TASOR2: variants seen among roughly 807,000 people sequenced by gnomAD.
The protein encoded by TASOR2 is transcription activation suppressor family member 2.
A neutral mutation model predicts 199.5 loss-of-function variants in TASOR2; 84 were observed. That is an observed-to-expected ratio of 0.42 (90% CI 0.35 to 0.50). TASOR2 has a LOEUF of 0.50. TASOR2 is among the 20% of genes least tolerant of loss of function. The pLI is 0.02. For missense variants in TASOR2, 2,796 were observed against 2,835.9 expected (o/e 0.99, Z 0.32); for synonymous variants, 1,103 against 1,046.6 (o/e 1.05, Z -1.04).
exon 15 of TASOR2, chr10:5,747,930 T>G (rs1400148848): frequency 1.2e-6 from 2 of 1,613,674 alleles, no homozygotes; most frequent in African/African-American, 2.7e-5. Context: ...CTGAGGAAAT[T>G]GTCTCAAGTG....
chr10:5,709,579 A>G, intron 1 of TASOR2: 2 of 1,230,960 alleles, frequency 1.6e-6, no homozygotes, highest in Non-Finnish European at 1.0e-6. Context: ...TTCTGAGGGT[A>G]TACTTGGTGA....
Position 5,726,321 on chromosome 10 carries a change from G to C in TASOR2, c.352-564G>C, listed in dbSNP as rs555656676. Among the ~76,000 whole-genome samples, 7 of 152,266 alleles carry C rather than the reference G, an allele frequency of 4.6e-5. No homozygotes were observed. In the South Asian group the frequency reaches 1.5e-3, roughly 32 times the overall value. On this transcript the variant is annotated intron_variant, in intron 8 of 20. Transcript: ENST00000328090. ...CAAGAGTCCACTGAAGACTCTAATA[G>C]AGGGGAACAAAAGAGAGGAAGAATT...
Position 5,742,568 on chromosome 10 carries a change from G to T in TASOR2, c.2757+42G>T, listed in dbSNP as rs761495421. The T allele has an allele frequency of 6.5e-6, 10 of 1,539,384 alleles. No homozygotes were observed. In the African/African-American group the frequency reaches 1.4e-4, roughly 22 times the overall value. On this transcript the variant is annotated intron_variant, in intron 14 of 20. Transcript: ENST00000328090. The surrounding 1 kb of genome is among the most constrained non-coding windows in gnomAD (Gnocchi z 4.2). ...ACCGTTAAATGTTGGCATTATTTTT[G>T]AAGAAAAAAATGTTTATATGTAAAA...
intron 2 of TASOR2, 135 bp from the exon 3 acceptor site, chr10:5,714,000 A>C: frequency 2.4e-6 from 1 of 412,094 alleles, no homozygotes; most frequent in Non-Finnish European, 4.0e-6. Flanking sequence ...CAGGAATTTG[A>C]GATCAGCCTG....
intron 14 of TASOR2, among the ~76,000 whole-genome samples, chr10:5,744,810 G>A (rs1257998834): frequency 2.0e-5 from 3 of 152,112 alleles, no homozygotes; most frequent in Admixed American, 6.5e-5. Flanking sequence ...TGTATTTTTA[G>A]TAGAGACTAG....
Position 5,690,733 on chromosome 10 carries a change from A to G in TASOR2, c.-288+5558A>G, listed in dbSNP as rs1034901243. 7.9e-5 allele frequency among the ~76,000 whole-genome samples: 12 copies of G among 152,268 alleles called. No homozygotes were observed. Among genetic ancestry groups the G allele is most frequent in the African/African-American group, 2.9e-4 (12 of 41,478 alleles). ...AACAGTGTGTATCCTTGCAATAAGT[A>G]TATTAATGAATACGATACAACCATT... On this transcript the variant is annotated intron_variant, in intron 1 of 20. Coordinates refer to ENST00000328090, the Ensembl canonical transcript of TASOR2. The surrounding 1 kb of genome is among the most constrained non-coding windows in gnomAD (Gnocchi z 4.8).
At chr10:5,686,139 A>G (rs1393520940) in intron 1 of TASOR2, among the ~76,000 whole-genome samples, 3 of 152,218 alleles carry the variant, frequency 2.0e-5, no homozygotes, top group Non-Finnish European at 2.9e-5. Flanking sequence ...CTGTACATCA[A>G]TAAATAACTA....
chr10:5,750,033 G>A lies in TASOR2; in HGVS notation c.6606+6G>A. 1 of 1,580,974 alleles carries A rather than the reference G, an allele frequency of 6.3e-7. No homozygotes were observed. Among genetic ancestry groups the A allele is most frequent in the Non-Finnish European group, 8.6e-7 (1 of 1,163,866 alleles). On this transcript the variant is annotated splice_donor_region_variant and intron_variant, in intron 15 of 20. Coordinates refer to ENST00000328090, the Ensembl canonical transcript of TASOR2. This position sits in a 1 kb window ranked among gnomAD's most constrained non-coding sequence, Gnocchi z 5.4. ...CATTCTTTGTAAGAACAAAGGTAAA[G>A]TGCCAGCCACGTCTTACGTATTATT...
intron 2 of TASOR2, among the ~76,000 whole-genome samples, chr10:5,715,926 C>T (rs1165963948): frequency 6.6e-6 from 1 of 152,154 alleles, no homozygotes; most frequent in African/African-American, 2.4e-5. Context: ...CAGGTGTGAG[C>T]TACCCTGCCT....
At chr10:5,686,777 G>A (rs571194738) in intron 1 of TASOR2, among the ~76,000 whole-genome samples, 2 of 152,140 alleles carry the variant, frequency 1.3e-5, no homozygotes, top group Admixed American at 6.5e-5. Flanking sequence ...AATCTTTTTA[G>A]GCAGGTCATA....
intron 12 of TASOR2, among the ~76,000 whole-genome samples, chr10:5,736,293 C>T (rs1835571905): frequency 6.6e-6 from 1 of 152,108 alleles, no homozygotes; most frequent in African/African-American, 2.4e-5. Context: ...TGGCACATGC[C>T]TGTAATCCCA....
rs1833036635 is a variant in TASOR2, at chr10:5,719,146, A to G, written c.-100+1396A>G. Among the ~76,000 whole-genome samples, 1 of 152,134 alleles carries G rather than the reference A, an allele frequency of 6.6e-6. No individual in the cohort carries two copies. Among genetic ancestry groups the G allele is most frequent in the African/African-American group, 2.4e-5 (1 of 41,426 alleles). Reference sequence around the variant, plus strand: ...GAAGAGGCAGGACTTAAACAACAACAAAACATCTTCTTTTTTAAAAAGTAA... The same window carrying G: ...GAAGAGGCAGGACTTAAACAACAACGAAACATCTTCTTTTTTAAAAAGTAA... On this transcript the variant is annotated intron_variant, in intron 3 of 20. Coordinates refer to ENST00000328090, the Ensembl canonical transcript of TASOR2. The surrounding 1 kb of genome is among the most constrained non-coding windows in gnomAD (Gnocchi z 4.1).
intron 17 of TASOR2, among the ~76,000 whole-genome samples, chr10:5,757,882 C>T (rs573052806): frequency 1.3e-5 from 2 of 152,180 alleles, no homozygotes; most frequent in East Asian, 3.9e-4. Flanking sequence ...CTGATTCTTA[C>T]CACCACACTT....
At position 5,725,345 on chromosome 10, in the gene TASOR2, C is replaced by G. The variant is rs918640942; in HGVS notation, c.351+812C>G. Among the ~76,000 whole-genome samples, 5 of 140,870 alleles carry G rather than the reference C, an allele frequency of 3.5e-5. 1 individual carries two copies. The highest frequency in any genetic ancestry group is 7.7e-5 in the Admixed American group (1 of 12,962). 92.4% of individuals were successfully genotyped at this position (140,870 alleles called of 152,430 possible). On this transcript the variant is annotated intron_variant, in intron 8 of 20. Transcript: ENST00000328090. ...GGCGGAGCTTGCAGTGAGCCTAGATCGCGCAGCTGCACTCCAGCCTGGGCG... is the reference window on the plus strand; with the variant it reads ...GGCGGAGCTTGCAGTGAGCCTAGATGGCGCAGCTGCACTCCAGCCTGGGCG...
exon 16 of TASOR2, chr10:5,756,706 A>G: frequency 6.2e-7 from 1 of 1,613,264 alleles, no homozygotes; most frequent in Non-Finnish European, 8.5e-7. Context: ...CATCATCATC[A>G]GAAATGAAGA....
exon 21 of TASOR2, chr10:5,763,121 G>T: frequency 8.0e-7 from 1 of 1,257,062 alleles, no homozygotes. Flanking sequence ...GAATACACAT[G>T]TGAACAGTCT....
At chr10:5,733,658 A>G (rs1444748707) in intron 11 of TASOR2, among the ~76,000 whole-genome samples, 1 of 152,190 alleles carries the variant, frequency 6.6e-6, no homozygotes, top group Non-Finnish European at 1.5e-5. Context: ...TTTTCTCCCA[A>G]CACCTGGGAG....
intron 19 of TASOR2, among the ~76,000 whole-genome samples, chr10:5,761,964 G>A (rs1442486483): frequency 6.6e-6 from 1 of 151,930 alleles, no homozygotes; most frequent in Non-Finnish European, 1.5e-5. Context: ...AACCCCGGAG[G>A]CAGAGGTTGC....
chr10:5,727,150 CTCTG>C (rs760716777), intron 10 of TASOR2, 27 bp downstream of exon 11: 1 of 1,612,826 alleles, frequency 6.2e-7, no homozygotes, highest in Non-Finnish European at 8.5e-7. Context: ...TTCCAGCTCA[CTCTG>C]TCTGTTGGAT....
Sources: allele counts gnomAD v4.1 joint callset (sites outside exome capture counted in the v4.1 genomes callset), GRCh38; gene constraint gnomAD v4.1.1; non-coding constraint Gnocchi (gnomAD v3.1); transcripts MANE v1.5; gene names NCBI Gene and HGNC (gene_info 2026-07-23, HGNC 2026-07-21).